The following ST8SIA6 variants were observed in gnomAD, a reference collection of about 807,000 sequenced individuals.
ST8SIA6 encodes ST8 alpha-N-acetyl-neuraminide alpha-2,8-sialyltransferase 6.
In ST8SIA6, 39 loss-of-function variants were observed where a neutral mutation model predicts 33.6. The observed-to-expected ratio is 1.16, with a 90% CI of 0.90 to 1.52. The LOEUF is 1.52. Ranked by LOEUF, ST8SIA6 falls within the 40% of genes most tolerant of loss-of-function variation. The pLI is 0.00. For missense variants in ST8SIA6, 441 were observed against 443.8 expected (o/e 0.99, Z 0.06); for synonymous variants, 172 against 167.2 (o/e 1.03, Z -0.22).
intron 4 of ST8SIA6, among the ~76,000 whole-genome samples, chr10:17,336,975 T>C (rs1012990090): frequency 1.3e-5 from 2 of 152,158 alleles, no homozygotes; most frequent in African/African-American, 2.4e-5. Context: ...TATGACATGG[T>C]TTGGGTCTGT....
At chr10:17,366,869 C>T (rs1011533923) in intron 3 of ST8SIA6, among the ~76,000 whole-genome samples, 5 of 152,068 alleles carry the variant, frequency 3.3e-5, no homozygotes, top group Admixed American at 2.6e-4. Flanking sequence ...CCAAACCTAA[C>T]CAGAACCCAA....
In ST8SIA6 at chr10:17,347,656, A is replaced by G. The variant is rs1371928301; in HGVS notation, c.377+11858T>C. On this transcript the variant is annotated intron_variant, in intron 4 of 7. Coordinates refer to ENST00000377602, the MANE Select transcript of ST8SIA6 (RefSeq NM_001004470.3). Reference sequence around the variant, plus strand: ...TAAAGCTGTGACAGAAGTGACTTGCAAGGATCCCTCCAGGGGTCTAATTGC... The same window carrying G: ...TAAAGCTGTGACAGAAGTGACTTGCGAGGATCCCTCCAGGGGTCTAATTGC... Among the ~76,000 whole-genome samples the G allele has an allele frequency of 3.3e-5, 5 of 152,118 alleles. No individual in the cohort carries two copies. In the East Asian group the frequency reaches 9.6e-4, roughly 29 times the overall value.
At chr10:17,422,408 T>A (rs560326311) in intron 2 of ST8SIA6, among the ~76,000 whole-genome samples, 10 of 152,344 alleles carry the variant, frequency 6.6e-5, no homozygotes, top group Non-Finnish European at 1.3e-4. Context: ...TTACTGTGAA[T>A]CAGAAAGACA....
At chr10:17,341,900 C>CAAAAAAAAAAAAAAAAA (rs71393004) in intron 4 of ST8SIA6, among the ~76,000 whole-genome samples, 1 of 73,158 alleles carries the variant, frequency 1.4e-5, no homozygotes, top group Non-Finnish European at 2.4e-5. Flanking sequence ...GGCTCCATCT[C>CAAAAAAAAAAAAAAAAA]AAAAAAAAAA....
At chr10:17,417,574 C>T (rs1001523755) in intron 2 of ST8SIA6, among the ~76,000 whole-genome samples, 3 of 151,830 alleles carry the variant, frequency 2.0e-5, no homozygotes, top group African/African-American at 7.3e-5. Flanking sequence ...TCCAGGAGGG[C>T]AGGCTTTTGT....
chr10:17,329,449 G>T lies in ST8SIA6; in HGVS notation c.522+1959C>A, dbSNP rs1010084954. Among the ~76,000 whole-genome samples, 12 of 152,216 alleles carry T rather than the reference G, an allele frequency of 7.9e-5. No homozygotes were observed. In the East Asian group the frequency reaches 9.6e-4, roughly 12 times the overall value. On this transcript the variant is annotated intron_variant, in intron 5 of 7. Coordinates refer to ENST00000377602, the MANE Select transcript of ST8SIA6 (RefSeq NM_001004470.3). ...ATGTATCTTATTCCTGGTTATATCTGCAATGGCTAGCAGAGTGACTGGCTC... is the reference window on the plus strand; with the variant it reads ...ATGTATCTTATTCCTGGTTATATCTTCAATGGCTAGCAGAGTGACTGGCTC...
At chr10:17,425,005 G>C (rs1372672598) in intron 2 of ST8SIA6, among the ~76,000 whole-genome samples, 1 of 152,004 alleles carries the variant, frequency 6.6e-6, no homozygotes, top group East Asian at 1.9e-4. Context: ...AAAATGCTGG[G>C]ATTCAGGCAT....
intron 2 of ST8SIA6, among the ~76,000 whole-genome samples, chr10:17,429,257 C>T (rs764371227): frequency 3.7e-4 from 57 of 152,072 alleles, no homozygotes; most frequent in Non-Finnish European, 6.9e-4. Flanking sequence ...CACGACTAAC[C>T]CCACCACCAG....
chr10:17,406,004 T>C (rs934398858), intron 2 of ST8SIA6, among the ~76,000 whole-genome samples: 1 of 152,036 alleles, frequency 6.6e-6, no homozygotes, highest in Admixed American at 6.6e-5. Flanking sequence ...TATGAGACAA[T>C]GCATAAAAAC....
chr10:17,381,668 C>A (rs1452481227), intron 3 of ST8SIA6, among the ~76,000 whole-genome samples: 2 of 152,194 alleles, frequency 1.3e-5, no homozygotes, highest in Middle Eastern at 3.2e-3. Flanking sequence ...TCATACTTAT[C>A]CTTGCCAAAT....
intron 4 of ST8SIA6, among the ~76,000 whole-genome samples, chr10:17,341,188 A>G (rs1848661747): frequency 6.6e-6 from 1 of 152,224 alleles, no homozygotes; most frequent in Non-Finnish European, 1.5e-5. Context: ...AATCATGGCT[A>G]CAAAGGGAAG....
intron 4 of ST8SIA6, among the ~76,000 whole-genome samples, chr10:17,340,873 C>G (rs1042751303): frequency 2.0e-5 from 3 of 152,190 alleles, no homozygotes; most frequent in Admixed American, 1.3e-4. Context: ...GTGTAGAAGA[C>G]TTACCCCCTG....
chr10:17,386,175 TCACACACACA>T (rs371809115), intron 3 of ST8SIA6, among the ~76,000 whole-genome samples: 3 of 150,140 alleles, frequency 2.0e-5, no homozygotes, highest in African/African-American at 4.9e-5. Flanking sequence ...AGTGAGACTG[TCACACACACA>T]CACACACACA....
chr10:17,370,991 A>G lies in ST8SIA6; in HGVS notation c.291-11391T>C, dbSNP rs1265400143. ...TAAGAGATGTTTGCCATAATCCAGC[A>G]GCAGGATGAAGGTGGCTTAAACCAA... On this transcript the variant is annotated intron_variant, in intron 3 of 7. Coordinates refer to ENST00000377602, the MANE Select transcript of ST8SIA6 (RefSeq NM_001004470.3). Among the ~76,000 whole-genome samples, 3 of 152,348 alleles carry G rather than the reference A, an allele frequency of 2.0e-5. No homozygotes were observed. In the East Asian group the frequency reaches 5.8e-4, roughly 29 times the overall value.
intron 2 of ST8SIA6, among the ~76,000 whole-genome samples, chr10:17,397,227 TTTTTTG>T (rs1260654601): frequency 1.6e-3 from 63 of 38,778 alleles, no homozygotes; most frequent in African/African-American, 3.2e-3. Context: ...TTGCAAATTG[TTTTTTG>T]TTTTTTTTTT....
chr10:17,378,334 CACTCTCAAGTTGAGA>C (rs1262558896), intron 3 of ST8SIA6, among the ~76,000 whole-genome samples: 2 of 152,206 alleles, frequency 1.3e-5, no homozygotes, highest in African/African-American at 4.8e-5. Context: ...AGCTATTTGT[CACTCTCAAGTTGAGA>C]ACTTTTGTCA....
rs531090337 is a variant in ST8SIA6, at chr10:17,387,171, C to G, written c.290+3360G>C. The G allele has an allele frequency of 2.0e-5, 3 of 152,200 alleles. No individual in the cohort carries two copies. The South Asian group carries it at 6.2e-4, about 32-fold the overall frequency. 9.4% of individuals were successfully genotyped at this position (152,200 alleles called of 1,614,324 possible). On this transcript the variant is annotated intron_variant, in intron 3 of 7. Coordinates refer to ENST00000377602, the MANE Select transcript of ST8SIA6 (RefSeq NM_001004470.3). ...GAGGGTGAAAGTGGATTGAGTGGGC[C>G]CAGTGGAAGACGCACAGCACCGTGG... is the stretch of plus-strand genomic sequence containing the variant.
intron 3 of ST8SIA6, among the ~76,000 whole-genome samples, chr10:17,367,977 C>T (rs71495259): frequency 1.3e-5 from 2 of 152,146 alleles, no homozygotes; most frequent in African/African-American, 4.8e-5. Context: ...ACCCCTATAT[C>T]TATTACGTAT....
chr10:17,448,433 G>A (rs572500353), intron 2 of ST8SIA6, among the ~76,000 whole-genome samples: 1 of 152,244 alleles, frequency 6.6e-6, no homozygotes, highest in Non-Finnish European at 1.5e-5. Context: ...CCACCAAAAG[G>A]TGCCAAATCA....
Sources: gnomAD v4.1 joint callset for allele counts (sites outside exome capture counted in the v4.1 genomes callset) on GRCh38, gnomAD v4.1.1 for gene constraint, MANE v1.5 for transcripts, NCBI Gene and HGNC (gene_info 2026-07-23, HGNC 2026-07-21) for gene names.